PRELID2: variants seen among roughly 807,000 people sequenced by gnomAD.
PRELID2 encodes PRELI domain-containing protein 2.
In PRELID2, 25 loss-of-function variants were observed where a neutral mutation model predicts 28.4. The observed-to-expected ratio is 0.88, with a 90% confidence interval of 0.64 to 1.23. The LOEUF (loss-of-function observed/expected upper bound fraction) is 1.23. PRELID2 is among the 50% of genes most tolerant of loss of function. The probability of loss-of-function intolerance (pLI) is 0.00; values close to 1 mark genes in which losing one functional copy is unlikely to be tolerated. For missense variants in PRELID2, 201 were observed against 214.4 expected, an observed-to-expected ratio of 0.94 and a Z score of 0.39; for synonymous variants, 76 against 71.6, an observed-to-expected ratio of 1.06 and a Z score of -0.31.
At chr5:145,254,786 CTG>C in the PRELID2 span, among the ~76,000 whole-genome samples, 11 of 151,964 alleles carry the variant, frequency 7.2e-5, no homozygotes, top group African/African-American at 2.7e-4. Flanking sequence ...TCATCTATGA[CTG>C]AGAGATGGGC....
chr5:145,655,500 T>C (rs1754377501), intron 1 of PRELID2, among the ~76,000 whole-genome samples: 1 of 152,144 alleles, frequency 6.6e-6, no homozygotes, highest in African/African-American at 2.4e-5. Flanking sequence ...CTTCAAACTA[T>C]ACTACAAGGC....
At chr5:145,652,442 T>C (rs1754314894) in intron 1 of PRELID2, among the ~76,000 whole-genome samples, 1 of 152,136 alleles carries the variant, frequency 6.6e-6, no homozygotes. Context: ...CCAAGACACA[T>C]AACTGTCAGA....
At chr5:145,292,034 A>C in the PRELID2 span, among the ~76,000 whole-genome samples, 1 of 152,178 alleles carries the variant, frequency 6.6e-6, no homozygotes, top group Non-Finnish European at 1.5e-5. Context: ...TGTTTGCAAC[A>C]GCAGATTTTA....
At chr5:145,723,498 A>C (rs548118537) in intron 1 of PRELID2, among the ~76,000 whole-genome samples, 1 of 152,344 alleles carries the variant, frequency 6.6e-6, no homozygotes, top group African/African-American at 2.4e-5. Context: ...TAACAACTTA[A>C]AAGGGGGAAA....
chr5:145,311,705 A>G, the PRELID2 span, among the ~76,000 whole-genome samples: 5 of 152,196 alleles, frequency 3.3e-5, no homozygotes, highest in Admixed American at 6.5e-5. Flanking sequence ...AACATTCTTC[A>G]TGTGCCCAGC....
chr5:145,356,966 G>GA, the PRELID2 span, among the ~76,000 whole-genome samples: 1 of 152,066 alleles, frequency 6.6e-6, no homozygotes, highest in Admixed American at 6.6e-5. Context: ...CTGCTTGTCT[G>GA]AAAAAAATCT....
chr5:145,465,575 G>C, the PRELID2 span, among the ~76,000 whole-genome samples: 1 of 151,930 alleles, frequency 6.6e-6, no homozygotes, highest in East Asian at 1.9e-4. Flanking sequence ...GTGACCCCGG[G>C]GCAAGCTACT....
chr5:145,831,051 T>TG (rs908148700), intron 1 of PRELID2, among the ~76,000 whole-genome samples: 1 of 150,854 alleles, frequency 6.6e-6, no homozygotes, highest in African/African-American at 2.5e-5. Flanking sequence ...TGCTTTCCTT[T>TG]GAAAAAAAAA....
chr5:145,813,307 AC>A (rs1269564295), intron 4 of PRELID2, among the ~76,000 whole-genome samples: 3 of 152,054 alleles, frequency 2.0e-5, no homozygotes, highest in Non-Finnish European at 4.4e-5. Flanking sequence ...GGATGCCCCC[AC>A]CCCATCCCAT....
chr5:145,779,993 C>A (rs1378426873), intron 5 of PRELID2, among the ~76,000 whole-genome samples: 1 of 152,140 alleles, frequency 6.6e-6, no homozygotes, highest in African/African-American at 2.4e-5. Flanking sequence ...CCAGCCTGGG[C>A]AACATGGTGA....
chr5:145,382,657 T>C, the PRELID2 span, among the ~76,000 whole-genome samples: 1 of 152,156 alleles, frequency 6.6e-6, no homozygotes, highest in East Asian at 1.9e-4. Flanking sequence ...TATTTTCTAG[T>C]ACACAAAACC....
At chr5:145,635,559 G>C (rs923094938) in intron 1 of PRELID2, among the ~76,000 whole-genome samples, 1 of 152,206 alleles carries the variant, frequency 6.6e-6, no homozygotes, top group African/African-American at 2.4e-5. Context: ...TAAGCTGACA[G>C]AGATCACACA....
intron 1 of PRELID2, among the ~76,000 whole-genome samples, chr5:145,557,372 C>A (rs1300029354): frequency 6.6e-6 from 1 of 152,184 alleles, no homozygotes; most frequent in African/African-American, 2.4e-5. Flanking sequence ...AGGTTATGGA[C>A]CAAAATCATT....
chr5:145,727,826 A>T (rs1756217419), intron 1 of PRELID2, among the ~76,000 whole-genome samples: 1 of 152,220 alleles, frequency 6.6e-6, no homozygotes, highest in South Asian at 2.1e-4. Context: ...TTTGATTTTT[A>T]TCAAAGGTTG....
chr5:145,773,070 T>C (rs1296266054), intron 5 of PRELID2, among the ~76,000 whole-genome samples: 1 of 152,212 alleles, frequency 6.6e-6, no homozygotes, highest in Non-Finnish European at 1.5e-5. Flanking sequence ...CAGATGTCTT[T>C]GCTTCACATT....
At chr5:145,431,539 A>G in the PRELID2 span, among the ~76,000 whole-genome samples, 3,069 of 152,320 alleles carry the variant, frequency 0.02, 112 homozygotes, top group African/African-American at 0.07. Flanking sequence ...AGTGAACATC[A>G]TCATCAGTAA....
chr5:145,342,307 C>A, the PRELID2 span, among the ~76,000 whole-genome samples: 1 of 152,024 alleles, frequency 6.6e-6, no homozygotes, highest in African/African-American at 2.4e-5. Flanking sequence ...CATGAAAACA[C>A]ATGAAAATAT....
intron 1 of PRELID2, among the ~76,000 whole-genome samples, chr5:145,502,927 C>A (rs1240611508): frequency 6.6e-6 from 1 of 151,584 alleles, no homozygotes; most frequent in African/African-American, 2.4e-5. Flanking sequence ...GATAGGCTGA[C>A]TACTAGGATC....
chr5:145,637,510 C>CA (rs1169721859), intron 1 of PRELID2, among the ~76,000 whole-genome samples: 108 of 129,784 alleles, frequency 8.3e-4, no homozygotes, highest in Middle Eastern at 3.7e-3. Context: ...ACTTCTCTGC[C>CA]AAAAAAAAAA....
Sources: gnomAD v4.1 joint callset for allele counts (sites outside exome capture counted in the v4.1 genomes callset) on GRCh38, gnomAD v4.1.1 for gene constraint, MANE v1.5 for transcripts, NCBI Gene and HGNC (gene_info 2026-07-23, HGNC 2026-07-21) for gene names.